SPMIP11: variants seen among roughly 807,000 people sequenced by gnomAD.
SPMIP11 encodes sperm microtubule inner protein 11.
the SPMIP11 span, among the ~76,000 whole-genome samples, chr12:48,728,048 C>CAAA: frequency 7.0e-6 from 1 of 143,786 alleles, no homozygotes. Context: ...GAAACCATCT[C>CAAA]AAAAAAAAAA....
the SPMIP11 span, among the ~76,000 whole-genome samples, chr12:48,757,061 C>A: frequency 6.6e-6 from 1 of 152,094 alleles, no homozygotes; most frequent in African/African-American, 2.4e-5. Context: ...CAGGCATGAG[C>A]CACGGTGCCC....
chr12:48,753,792 C>T, the SPMIP11 span, among the ~76,000 whole-genome samples: 1 of 151,240 alleles, frequency 6.6e-6, no homozygotes, highest in Non-Finnish European at 1.5e-5. Context: ...ACCTCTGCCC[C>T]CCCGGGTTCA....
chr12:48,753,488 G>A, the SPMIP11 span, among the ~76,000 whole-genome samples: 11 of 151,974 alleles, frequency 7.2e-5, no homozygotes, highest in African/African-American at 2.7e-4. Flanking sequence ...TCTTACTTAC[G>A]TTCTCATTTC....
At chr12:48,756,122 A>G in the SPMIP11 span, among the ~76,000 whole-genome samples, 5 of 151,490 alleles carry the variant, frequency 3.3e-5, no homozygotes, top group African/African-American at 1.2e-4. Flanking sequence ...TGACCTCGTG[A>G]TCCGCCTGCC....
At chr12:48,728,569 G>A in the SPMIP11 span, among the ~76,000 whole-genome samples, 4 of 152,098 alleles carry the variant, frequency 2.6e-5, no homozygotes, top group Admixed American at 1.3e-4. Flanking sequence ...TTAGCCGAGC[G>A]TGATGGCGGG....
At chr12:48,746,063 T>G in the SPMIP11 span, among the ~76,000 whole-genome samples, 1 of 152,148 alleles carries the variant, frequency 6.6e-6, no homozygotes, top group Non-Finnish European at 1.5e-5. Context: ...AATACAACAG[T>G]GATTAACACA....
the SPMIP11 span, among the ~76,000 whole-genome samples, chr12:48,753,764 C>A: frequency 6.7e-4 from 98 of 145,980 alleles, no homozygotes; most frequent in African/African-American, 2.5e-3. Flanking sequence ...TGCAGTGGCG[C>A]AATATCGGCT....
the SPMIP11 span, among the ~76,000 whole-genome samples, chr12:48,745,100 C>T: frequency 6.6e-6 from 1 of 151,970 alleles, no homozygotes; most frequent in African/African-American, 2.4e-5. Flanking sequence ...GAAACCCCGT[C>T]TCTACTAAAA....
the SPMIP11 span, chr12:48,771,126 G>C: frequency 1.4e-6 from 1 of 733,864 alleles, no homozygotes; most frequent in Non-Finnish European, 2.2e-6. This position sits in a 1 kb window ranked among gnomAD's most constrained non-coding sequence, Gnocchi z 4.3. Context: ...CTGAGGAGCT[G>C]GGAAAACAGG....
the SPMIP11 span, chr12:48,736,036 C>T: frequency 2.3e-6 from 1 of 439,658 alleles, no homozygotes; most frequent in Admixed American, 2.5e-5. Context: ...AGTTTCACTG[C>T]TAAGCCAAAT....
the SPMIP11 span, among the ~76,000 whole-genome samples, chr12:48,761,267 C>T: frequency 1.3e-5 from 2 of 151,636 alleles, no homozygotes; most frequent in African/African-American, 2.4e-5. Flanking sequence ...TCCAACATGG[C>T]GAAACCCCAT....
the SPMIP11 span, chr12:48,771,110 G>C: frequency 2.4e-6 from 2 of 839,312 alleles, no homozygotes; most frequent in Non-Finnish European, 3.7e-6. This position sits in a 1 kb window ranked among gnomAD's most constrained non-coding sequence, Gnocchi z 4.3. Flanking sequence ...TGCTATCAGT[G>C]TAAGACTGAG....
At chr12:48,751,025 ACT>A in the SPMIP11 span, among the ~76,000 whole-genome samples, 14 of 152,154 alleles carry the variant, frequency 9.2e-5, no homozygotes, top group South Asian at 2.9e-3. Flanking sequence ...CATTCTTAAC[ACT>A]GTTACTATCA....
the SPMIP11 span, among the ~76,000 whole-genome samples, chr12:48,729,268 G>A: frequency 4.6e-5 from 7 of 152,098 alleles, no homozygotes; most frequent in Non-Finnish European, 7.4e-5. Context: ...GGGCGCGGTG[G>A]CTCACGCCTG....
chr12:48,755,375 C>T, the SPMIP11 span, among the ~76,000 whole-genome samples: 211 of 152,200 alleles, frequency 1.4e-3, no homozygotes, highest in African/African-American at 5.0e-3. Flanking sequence ...TATCACCTAC[C>T]GACAGAATAA....
At chr12:48,742,541 A>G in the SPMIP11 span, among the ~76,000 whole-genome samples, 1 of 151,682 alleles carries the variant, frequency 6.6e-6, no homozygotes. Flanking sequence ...CAGCCTCCCA[A>G]GGTGCTAGGA....
the SPMIP11 span, among the ~76,000 whole-genome samples, chr12:48,760,225 G>A: frequency 5.3e-5 from 8 of 152,152 alleles, no homozygotes; most frequent in Non-Finnish European, 1.0e-4. Context: ...CCAGGCTGGA[G>A]TGCAGTGCTG....
At chr12:48,759,940 G>A in the SPMIP11 span, among the ~76,000 whole-genome samples, 1 of 152,104 alleles carries the variant, frequency 6.6e-6, no homozygotes, top group Admixed American at 6.5e-5. Context: ...CTGAGTAGCT[G>A]AGATTACAGG....
At chr12:48,746,423 G>C in the SPMIP11 span, among the ~76,000 whole-genome samples, 1 of 142,454 alleles carries the variant, frequency 7.0e-6, no homozygotes, top group Admixed American at 7.4e-5. Flanking sequence ...CTGGAGTGCA[G>C]TGGCACAATC....
Sources: allele counts gnomAD v4.1 joint callset (sites outside exome capture counted in the v4.1 genomes callset), GRCh38; gene constraint gnomAD v4.1.1; non-coding constraint Gnocchi (gnomAD v3.1); transcripts MANE v1.5; gene names NCBI Gene and HGNC (gene_info 2026-07-23, HGNC 2026-07-21).